The following ASCC2 variants were observed in gnomAD, a reference collection of about 807,000 sequenced individuals.
ASCC2 encodes ASC-1 complex subunit P100.
ASCC2 carries 42 observed loss-of-function variants against 93.5 expected under a neutral mutation model. The observed-to-expected ratio is 0.45, with a 90% CI of 0.35 to 0.58. The LOEUF (loss-of-function observed/expected upper bound fraction) is 0.58, where lower values mean the gene tolerates loss of function less well. Ranked by LOEUF, ASCC2 falls within the 20% of genes least tolerant of loss-of-function variation. The pLI, the probability that ASCC2 is intolerant of heterozygous loss-of-function variation, is 0.00. For missense variants in ASCC2, 859 were observed against 977.6 expected, an observed-to-expected ratio of 0.88 and a Z score of 1.62; for synonymous variants, 364 against 384.2, an observed-to-expected ratio of 0.95 and a Z score of 0.62.
intron 1 of ASCC2, chr22:29,833,501 C>T (rs2063403575): frequency 4.6e-6 from 2 of 435,818 alleles, no homozygotes; most frequent in Admixed American, 5.9e-5. Flanking sequence ...TCATAGAAAA[C>T]TGACAGTGCA....
intron 1 of ASCC2, chr22:29,833,560 A>G (rs894216711): frequency 8.5e-6 from 4 of 470,792 alleles, no homozygotes; most frequent in Non-Finnish European, 1.8e-5. Context: ...AGTGAGTGGC[A>G]GATCCAAGGT....
intron 5 of ASCC2, chr22:29,816,517 T>C (rs538057994): frequency 6.5e-6 from 1 of 153,798 alleles, no homozygotes; most frequent in East Asian, 1.9e-4. Flanking sequence ...GACTCTCCAA[T>C]AATATGAGGA....
chr22:29,820,881 G>A (rs1360361552), intron 5 of ASCC2, among the ~76,000 whole-genome samples: 3 of 148,900 alleles, frequency 2.0e-5, no homozygotes, highest in Non-Finnish European at 4.4e-5. Flanking sequence ...ACTCTAGCCT[G>A]GGCAACAAGA....
At chr22:29,823,710 T>C (rs1450108690) in intron 4 of ASCC2, among the ~76,000 whole-genome samples, 2 of 151,378 alleles carry the variant, frequency 1.3e-5, no homozygotes, top group Admixed American at 6.6e-5. Context: ...TAGCTGGGAG[T>C]GGTGGCACAT....
At chr22:29,795,303 T>A (rs2058295587) in intron 15 of ASCC2, among the ~76,000 whole-genome samples, 1 of 152,104 alleles carries the variant, frequency 6.6e-6, no homozygotes, top group Non-Finnish European at 1.5e-5. Context: ...GCTCAAGTGA[T>A]CCTCTGCTTC....
chr22:29,827,793 A>ACACACAC (rs2062582708), intron 2 of ASCC2, among the ~76,000 whole-genome samples: 1 of 20,454 alleles, frequency 4.9e-5, no homozygotes. Flanking sequence ...CACACACACA[A>ACACACAC]CCAGGCTACT....
chr22:29,809,198 CT>C (rs1290812947), intron 8 of ASCC2, among the ~76,000 whole-genome samples: 2 of 150,570 alleles, frequency 1.3e-5, no homozygotes, highest in African/African-American at 2.4e-5. Context: ...GCTAAATGTT[CT>C]CATGATTTTT....
intron 8 of ASCC2, among the ~76,000 whole-genome samples, chr22:29,811,855 C>A (rs758075561): frequency 3.9e-5 from 6 of 152,122 alleles, no homozygotes; most frequent in Admixed American, 2.0e-4. Flanking sequence ...CTATGATAAG[C>A]GAAAATATGC....
intron 2 of ASCC2, among the ~76,000 whole-genome samples, chr22:29,830,713 G>A (rs560272833): frequency 3.3e-5 from 5 of 152,320 alleles, no homozygotes; most frequent in South Asian, 4.1e-4. Flanking sequence ...CTCTTAGGTC[G>A]TGGGCTCTTC....
At position 29,825,398 on chromosome 22, in the gene ASCC2, G is replaced by A. The variant is rs977839360; in HGVS notation, c.241-141C>T. 3.1e-5 allele frequency: 37 copies of A among 1,209,014 alleles called. No individual in the cohort carries two copies. Among genetic ancestry groups the A allele is most frequent in the Non-Finnish European group, 4.2e-5 (36 of 867,172 alleles). The allele number at this position is 1,209,014 out of a possible 1,614,324, so 74.9% of individuals were successfully genotyped here. A position where few individuals can be genotyped will look rare whatever the true frequency, so the allele number is the denominator to read the frequency against. On this transcript the variant is annotated intron_variant, in intron 3 of 19. Coordinates refer to ENST00000307790, the MANE Select transcript of ASCC2 (RefSeq NM_032204.5). This position sits in a 1 kb window ranked among gnomAD's most constrained non-coding sequence, Gnocchi z 4.9. Reference sequence around the variant, plus strand: ...CCCAAGGGACCAAGGAGGTATGAATGAGCCAAGGGCTAAACACAAGATTCT... The same window carrying A: ...CCCAAGGGACCAAGGAGGTATGAATAAGCCAAGGGCTAAACACAAGATTCT...
rs777623592 is a variant in ASCC2, at chr22:29,825,746, A to G, written c.116T>C (p.Leu39Ser). The G allele has an allele frequency of 1.2e-6, 2 of 1,613,608 alleles. No homozygotes were observed. Among genetic ancestry groups the G allele is most frequent in the South Asian group, 1.1e-5 (1 of 91,076 alleles). ...PEQKADRYFV[L>S]YKPPPKDNIP... ...GTTGTCTTTAGGGGGCGGTTTGTAT[A>G]ACACAAAATACCGGTCTGCCTTCTG... is the stretch of plus-strand genomic sequence containing the variant. Residue 39 changes from leucine (L) to serine (S), a missense_variant, in exon 3 of 20, where the codon TTA becomes TCA. Leu to Ser is a moderately radical substitution (Grantham distance 145). Coordinates refer to ENST00000307790, the MANE Select transcript of ASCC2 (RefSeq NM_032204.5). The surrounding 1 kb of genome is among the most constrained non-coding windows in gnomAD (Gnocchi z 4.9).
chr22:29,827,756 C>CAACACACA (rs1568952571), intron 2 of ASCC2, among the ~76,000 whole-genome samples: 1 of 69,540 alleles, frequency 1.4e-5, no homozygotes, highest in African/African-American at 5.6e-5. Flanking sequence ...CTCATTCTCC[C>CAACACACA]GACACACACA....
rs200383020 is a variant in ASCC2 at position 29,833,895 on chromosome 22, T to A, written c.-17-1553A>T. On this transcript the variant is annotated intron_variant, in intron 1 of 19. Transcript: ENST00000307790. The stretch of plus-strand genomic sequence containing the variant: ...TTTCTTTTTCTTTTTTTTTTTTTTT[T>A]AAATAGAGACGGGGTTTCACCATGT... 2.0e-5 allele frequency among the ~76,000 whole-genome samples: 3 copies of A among 148,010 alleles called. No individual in the cohort carries two copies. In the Admixed American group the frequency reaches 2.1e-4, roughly 10 times the overall value.
At chr22:29,822,262 T>C (rs891509604) in intron 5 of ASCC2, 73 bp downstream of exon 5, 7 of 1,594,494 alleles carry the variant, frequency 4.4e-6, no homozygotes, top group Non-Finnish European at 6.0e-6. Context: ...GTCAAAGCGC[T>C]GGCCTTTGCA....
intron 13 of ASCC2, among the ~76,000 whole-genome samples, chr22:29,803,555 A>T (rs936860080): frequency 6.6e-6 from 1 of 152,102 alleles, no homozygotes; most frequent in Non-Finnish European, 1.5e-5. Flanking sequence ...CTACTAATCC[A>T]AGGTCCTTTT....
At chr22:29,837,168 C>G (rs370048807) in intron 1 of ASCC2, among the ~76,000 whole-genome samples, 1 of 151,926 alleles carries the variant, frequency 6.6e-6, no homozygotes, top group Non-Finnish European at 1.5e-5. Flanking sequence ...CGATGGCTCA[C>G]GCCTGTAATC....
At chr22:29,835,259 G>A (rs1415660255) in intron 1 of ASCC2, among the ~76,000 whole-genome samples, 3 of 152,114 alleles carry the variant, frequency 2.0e-5, no homozygotes, top group Admixed American at 6.5e-5. Context: ...TTAGTCAGGT[G>A]TGGTGGTGCA....
intron 14 of ASCC2, 90 bp from the exon 15 acceptor site, chr22:29,801,200 G>A (rs976978093): frequency 2.5e-5 from 37 of 1,452,456 alleles, no homozygotes; most frequent in African/African-American, 4.3e-5. Flanking sequence ...TAAATCCATC[G>A]GATTTTTCAG....
At chr22:29,817,182 C>G (rs905068565) in intron 5 of ASCC2, among the ~76,000 whole-genome samples, 1 of 152,192 alleles carries the variant, frequency 6.6e-6, no homozygotes, top group African/African-American at 2.4e-5. Context: ...CGCACTTGCT[C>G]AGCACCTCCC....
Sources: allele counts gnomAD v4.1 joint callset (sites outside exome capture counted in the v4.1 genomes callset), GRCh38; gene constraint gnomAD v4.1.1; non-coding constraint Gnocchi (gnomAD v3.1); transcripts MANE v1.5; gene names NCBI Gene and HGNC (gene_info 2026-07-23, HGNC 2026-07-21).